BTBD9: variants seen among roughly 807,000 people sequenced by gnomAD.
BTBD9 encodes the protein BTB/POZ domain-containing protein 9.
A neutral mutation model predicts 64.3 loss-of-function variants in BTBD9; 49 were observed. The ratio of observed to expected loss-of-function variants is 0.76; its 90% confidence interval spans 0.61 to 0.97. BTBD9 has a LOEUF of 0.97. BTBD9 is among the 50% of genes least tolerant of loss of function. The pLI is 0.00. For missense variants in BTBD9, 598 were observed against 762.1 expected, an observed-to-expected ratio of 0.78 and a Z score of 2.53; for synonymous variants, 260 against 274.7, an observed-to-expected ratio of 0.95 and a Z score of 0.53.
intron 6 of BTBD9, among the ~76,000 whole-genome samples, chr6:38,436,618 C>T (rs1196631027): frequency 1.3e-5 from 2 of 151,034 alleles, no homozygotes; most frequent in East Asian, 1.9e-4. Context: ...TCAGGTCATC[C>T]GCCTGCCTTG....
intron 7 of BTBD9, among the ~76,000 whole-genome samples, chr6:38,331,209 G>A (rs1763664660): frequency 6.6e-6 from 1 of 152,238 alleles, no homozygotes; most frequent in South Asian, 2.1e-4. Flanking sequence ...GCCAGGCGTG[G>A]TGGCTTATAC....
chr6:38,217,694 T>TCC (rs1763055599), intron 9 of BTBD9, among the ~76,000 whole-genome samples: 2 of 77,820 alleles, frequency 2.6e-5, no homozygotes, highest in African/African-American at 9.3e-5. Context: ...ATTTTTTTCT[T>TCC]TTTTCTTTTT....
At chr6:38,637,082 C>T (rs1739623) in intron 1 of BTBD9, among the ~76,000 whole-genome samples, 5,420 of 152,186 alleles carry the variant, frequency 0.036, 315 homozygotes, top group African/African-American at 0.12. Context: ...AGCTAAGCTC[C>T]ATCCCCTTCT....
intron 8 of BTBD9, among the ~76,000 whole-genome samples, chr6:38,264,116 G>A (rs1281832470): frequency 1.3e-5 from 2 of 152,222 alleles, no homozygotes; most frequent in African/African-American, 4.8e-5. Context: ...AGGCAAAACA[G>A]GCTTTGGAGT....
At chr6:38,210,536 T>G (rs1020879920) in intron 9 of BTBD9, among the ~76,000 whole-genome samples, 42 of 146,452 alleles carry the variant, frequency 2.9e-4, no homozygotes, top group African/African-American at 1.0e-3. Context: ...GTGCGTGTGT[T>G]TGTGTGTGTG....
chr6:38,426,344 G>A (rs1320235228), intron 6 of BTBD9, among the ~76,000 whole-genome samples: 1 of 151,972 alleles, frequency 6.6e-6, no homozygotes, highest in Non-Finnish European at 1.5e-5. Flanking sequence ...TGACAGCACG[G>A]CGGGAGGGAC....
rs564511253 is a variant in BTBD9 at position 38,349,243 on chromosome 6, C to T, written c.1155-4150G>A. On this transcript the variant is annotated intron_variant, in intron 6 of 10. Coordinates refer to ENST00000481247, the MANE Select transcript of BTBD9 (RefSeq NM_001099272.2). ...CCTCTATAAAATGAGGTCAATAACACGAACTTTACAGGGTACTTAAATGAG... is the reference window on the plus strand; with the variant it reads ...CCTCTATAAAATGAGGTCAATAACATGAACTTTACAGGGTACTTAAATGAG... 5.3e-5 allele frequency among the ~76,000 whole-genome samples: 8 copies of T among 152,180 alleles called. No homozygotes were observed. The South Asian group carries it at 6.2e-4, about 12-fold the overall frequency.
Position 38,233,820 on chromosome 6 carries a change from C to T in BTBD9, c.1562+22589G>A, listed in dbSNP as rs554820226. On this transcript the variant is annotated intron_variant, in intron 9 of 10. Coordinates refer to ENST00000481247, the MANE Select transcript of BTBD9 (RefSeq NM_001099272.2). ...TTGCATGCATAATGTACTGAAAAGC[C>T]TTCTTTATAATGTTTACTTCTCTGT... is the stretch of plus-strand genomic sequence containing the variant. Among the ~76,000 whole-genome samples, 28 of 152,324 alleles carry T rather than the reference C, an allele frequency of 1.8e-4. No individual in the cohort carries two copies. The South Asian group carries it at 5.8e-3, about 32-fold the overall frequency.
chr6:38,380,012 T>C (rs867507063), intron 6 of BTBD9, among the ~76,000 whole-genome samples: 1 of 152,176 alleles, frequency 6.6e-6, no homozygotes, highest in Non-Finnish European at 1.5e-5. Flanking sequence ...TGGTAAGTCA[T>C]TGCCTTTGGA....
chr6:38,179,546 G>A (rs761819757), intron 10 of BTBD9: 1 of 456,714 alleles, frequency 2.2e-6, no homozygotes, highest in South Asian at 1.5e-5. Flanking sequence ...TGATTTCACT[G>A]AGTGCAGACT....
At chr6:38,353,284 T>C (rs529613811) in intron 6 of BTBD9, among the ~76,000 whole-genome samples, 3 of 152,350 alleles carry the variant, frequency 2.0e-5, no homozygotes, top group South Asian at 2.1e-4. Flanking sequence ...CTTGCTTATT[T>C]CATGGTTTAG....
intron 6 of BTBD9, among the ~76,000 whole-genome samples, chr6:38,568,446 TA>T (rs1775617831): frequency 6.6e-6 from 1 of 152,220 alleles, no homozygotes; most frequent in South Asian, 2.1e-4. Context: ...CCAGTTTCAT[TA>T]ATTTCTGGGT....
chr6:38,609,905 ACAAATTC>A (rs1019218099), intron 1 of BTBD9, among the ~76,000 whole-genome samples: 2 of 152,234 alleles, frequency 1.3e-5, no homozygotes, highest in Non-Finnish European at 2.9e-5. Context: ...TGTCACTGAC[ACAAATTC>A]TCATAGCCCA....
intron 1 of BTBD9, among the ~76,000 whole-genome samples, chr6:38,625,923 C>T (rs1470482168): frequency 6.6e-6 from 1 of 152,204 alleles, no homozygotes; most frequent in Non-Finnish European, 1.5e-5. Context: ...CTCACATTTT[C>T]TTTCTGACAT....
intron 9 of BTBD9, among the ~76,000 whole-genome samples, chr6:38,222,539 A>T (rs187130645): frequency 6.6e-6 from 1 of 152,072 alleles, no homozygotes; most frequent in South Asian, 2.1e-4. Context: ...GATTACAGGC[A>T]TGAACCACTG....
intron 2 of BTBD9, chr6:38,595,920 T>TG: frequency 1.0e-6 from 1 of 985,384 alleles, no homozygotes; most frequent in Non-Finnish European, 1.2e-6. Context: ...GTATGATCCA[T>TG]GGTATTTATT....
intron 6 of BTBD9, chr6:38,571,577 C>T (rs1775769441): frequency 6.6e-6 from 1 of 152,122 alleles, no homozygotes; most frequent in South Asian, 2.1e-4. Flanking sequence ...TTAGAGTATT[C>T]CTCTAATGAG....
chr6:38,382,415 T>A (rs1294952791), intron 6 of BTBD9, among the ~76,000 whole-genome samples: 1 of 151,616 alleles, frequency 6.6e-6, no homozygotes, highest in Non-Finnish European at 1.5e-5. Flanking sequence ...ACAGAACACA[T>A]TTAAAGGCAC....
intron 1 of BTBD9, among the ~76,000 whole-genome samples, chr6:38,636,916 T>C (rs1778546320): frequency 6.6e-6 from 1 of 152,228 alleles, no homozygotes; most frequent in African/African-American, 2.4e-5. Flanking sequence ...GTTCTTGAGA[T>C]GAGTTCAGCC....
Sources: allele counts gnomAD v4.1 joint callset (sites outside exome capture counted in the v4.1 genomes callset), GRCh38; gene constraint gnomAD v4.1.1; transcripts MANE v1.5; gene names NCBI Gene and HGNC (gene_info 2026-07-23, HGNC 2026-07-21).